The following PTPRM variants were observed in gnomAD, a reference collection of about 807,000 sequenced individuals.
The protein encoded by PTPRM is receptor-type tyrosine-protein phosphatase mu.
A neutral mutation model predicts 186.7 loss-of-function variants in PTPRM; 47 were observed. That is an observed-to-expected ratio of 0.25 (90% CI 0.20 to 0.32). PTPRM has a LOEUF of 0.32. Ranked by LOEUF, PTPRM falls within the 10% of genes least tolerant of loss-of-function variation. The probability of loss-of-function intolerance (pLI) is 1.00; values close to 1 mark genes in which losing one functional copy is unlikely to be tolerated. For synonymous variants in PTPRM, 668 were observed against 674.9 expected (o/e 0.99, Z 0.16); for missense variants, 1,494 against 1,865.0 (o/e 0.80, Z 3.66).
At chr18:8,278,444 A>C (rs931629692) in intron 19 of PTPRM, among the ~76,000 whole-genome samples, 4 of 152,228 alleles carry the variant, frequency 2.6e-5, no homozygotes, top group African/African-American at 9.6e-5. Context: ...ACAGAAAGTG[A>C]AGAGGCATTT....
At chr18:8,091,835 C>T (rs2090750406) in intron 11 of PTPRM, among the ~76,000 whole-genome samples, 1 of 151,994 alleles carries the variant, frequency 6.6e-6, no homozygotes, top group African/African-American at 2.4e-5. Context: ...AATATAAAGC[C>T]ATAATGTAAA....
At chr18:7,683,347 TGTTTTTA>T (rs1025904373) in intron 1 of PTPRM, among the ~76,000 whole-genome samples, 1 of 151,926 alleles carries the variant, frequency 6.6e-6, no homozygotes, top group African/African-American at 2.4e-5. Context: ...TTAAAAAAAA[TGTTTTTA>T]TAGAGACAGG....
intron 1 of PTPRM, among the ~76,000 whole-genome samples, chr18:7,754,114 T>C (rs1156392294): frequency 6.6e-6 from 1 of 152,244 alleles, no homozygotes; most frequent in African/African-American, 2.4e-5. Context: ...AACTTCTTGT[T>C]GAATATAGAT....
chr18:7,685,060 G>A (rs945710816), intron 1 of PTPRM, among the ~76,000 whole-genome samples: 1 of 152,146 alleles, frequency 6.6e-6, no homozygotes, highest in Non-Finnish European at 1.5e-5. Flanking sequence ...TCATTATTAT[G>A]CTTATGATGA....
intron 22 of PTPRM, among the ~76,000 whole-genome samples, chr18:8,326,568 T>G (rs1264392011): frequency 6.6e-6 from 1 of 152,168 alleles, no homozygotes; most frequent in Non-Finnish European, 1.5e-5. Flanking sequence ...AACAGCATGG[T>G]ACTGGTACAA....
chr18:7,591,238 C>T (rs1332279063), intron 1 of PTPRM, among the ~76,000 whole-genome samples: 1 of 152,184 alleles, frequency 6.6e-6, no homozygotes, highest in Non-Finnish European at 1.5e-5. Flanking sequence ...GTCTTTTCCT[C>T]TGGAATTGTT....
intron 2 of PTPRM, among the ~76,000 whole-genome samples, chr18:7,791,595 A>T: frequency 6.6e-6 from 1 of 152,164 alleles, no homozygotes; most frequent in East Asian, 1.9e-4. Flanking sequence ...CTAAGTCTGG[A>T]AGTGGAGAGA....
At chr18:8,320,223 A>T (rs1656529466) in intron 22 of PTPRM, among the ~76,000 whole-genome samples, 1 of 152,210 alleles carries the variant, frequency 6.6e-6, no homozygotes, top group Admixed American at 6.5e-5. Context: ...GTGTACACAG[A>T]CAGTCAGTGA....
At chr18:8,262,485 A>G (rs2094643902) in intron 19 of PTPRM, among the ~76,000 whole-genome samples, 1 of 152,136 alleles carries the variant, frequency 6.6e-6, no homozygotes, top group African/African-American at 2.4e-5. Context: ...GCTTCTGCTC[A>G]TGTACTCGCC....
intron 19 of PTPRM, among the ~76,000 whole-genome samples, chr18:8,284,018 C>T (rs1255160666): frequency 1.3e-5 from 2 of 152,006 alleles, no homozygotes; most frequent in Non-Finnish European, 2.9e-5. Context: ...GCATTTTTTT[C>T]TTATGACATT....
chr18:8,394,379 C>T (rs556017940), intron 31 of PTPRM, 97 bp from the exon 32 acceptor site: 1 of 1,375,858 alleles, frequency 7.3e-7, no homozygotes, highest in East Asian at 2.6e-5. Context: ...TTTGTTGTTA[C>T]TGTTCCCCAG....
chr18:8,204,661 G>A (rs768202126), intron 14 of PTPRM, among the ~76,000 whole-genome samples: 8 of 151,872 alleles, frequency 5.3e-5, no homozygotes, highest in Non-Finnish European at 8.8e-5. Context: ...TCTGTTCTTC[G>A]CATCACTGAG....
chr18:7,675,131 G>A (rs2039305126), intron 1 of PTPRM, among the ~76,000 whole-genome samples: 1 of 152,122 alleles, frequency 6.6e-6, no homozygotes, highest in Admixed American at 6.6e-5. Context: ...AACTAAATTG[G>A]GTTTTAGTAA....
intron 7 of PTPRM, among the ~76,000 whole-genome samples, chr18:8,043,237 G>T (rs2086803660): frequency 2.0e-5 from 3 of 152,180 alleles, no homozygotes; most frequent in Non-Finnish European, 2.9e-5. Flanking sequence ...GCCTGTCTAT[G>T]GTGGTACCTG....
chr18:8,389,702 CT>C (rs886976654), intron 31 of PTPRM, among the ~76,000 whole-genome samples: 15 of 152,084 alleles, frequency 9.9e-5, no homozygotes, highest in Non-Finnish European at 2.1e-4. Context: ...AAATCTAAGG[CT>C]TTTTTTAGCT....
chr18:8,310,699 T>C (rs1284167453), intron 20 of PTPRM, among the ~76,000 whole-genome samples: 1 of 152,088 alleles, frequency 6.6e-6, no homozygotes, highest in African/African-American at 2.4e-5. Flanking sequence ...ATCAAAATTG[T>C]ATTTAAGTCA....
chr18:7,733,537 A>G (rs897781687), intron 1 of PTPRM, among the ~76,000 whole-genome samples: 3 of 152,210 alleles, frequency 2.0e-5, no homozygotes, highest in African/African-American at 4.8e-5. Context: ...ATAGTGCTGC[A>G]GTAAACATAC....
Position 7,567,740 on chromosome 18 carries a change from A to G in PTPRM, c.-79A>G. The G allele has an allele frequency of 7.6e-7, 1 of 1,321,980 alleles. No homozygotes were observed. The allele number at this position is 1,321,980 out of a possible 1,614,324, so 81.9% of individuals were successfully genotyped here. A position where few individuals can be genotyped will look rare whatever the true frequency, so the allele number is the denominator to read the frequency against. On this transcript the variant is annotated 5_prime_UTR_variant, in exon 1 of 33. Coordinates refer to ENST00000580170, the MANE Select transcript of PTPRM (RefSeq NM_001105244.2). This position sits in a 1 kb window ranked among gnomAD's most constrained non-coding sequence, Gnocchi z 4.3. Reference sequence around the variant, plus strand: ...TACCCGTCTCTCCTCGCTGCCTCGGAACCAAAGCTCCCGGCCCCCTCCGCC... The same window carrying G: ...TACCCGTCTCTCCTCGCTGCCTCGGGACCAAAGCTCCCGGCCCCCTCCGCC...
Position 8,378,077 on chromosome 18 carries a change from T to C in PTPRM, c.3463-188T>C, listed in dbSNP as rs571782693. On this transcript the variant is annotated intron_variant, in intron 26 of 32. Transcript: ENST00000580170. ...GTGTGGTGGTTTGTATTGGGTCCGATTGGTTTTAATCAATCTGTGTAATAT... is the reference window on the plus strand; with the variant it reads ...GTGTGGTGGTTTGTATTGGGTCCGACTGGTTTTAATCAATCTGTGTAATAT... The C allele has an allele frequency of 7.2e-5, 41 of 571,598 alleles. No homozygotes were observed. The East Asian group carries it at 1.1e-3, about 15-fold the overall frequency. The allele number at this position is 571,598 out of a possible 1,614,324, so 35.4% of individuals were successfully genotyped here.
Sources: gnomAD v4.1 joint callset for allele counts (sites outside exome capture counted in the v4.1 genomes callset) on GRCh38, gnomAD v4.1.1 for gene constraint, Gnocchi (gnomAD v3.1) non-coding constraint, MANE v1.5 for transcripts, NCBI Gene and HGNC (gene_info 2026-07-23, HGNC 2026-07-21) for gene names.